The following PANX2 variants were observed in gnomAD, a reference collection of about 807,000 sequenced individuals.
The protein encoded by PANX2 is pannexin 2.
Under a neutral mutation model 38.7 loss-of-function variants are expected in PANX2, and 30 were observed. The observed-to-expected ratio is 0.78, with a 90% CI of 0.58 to 1.05. The LOEUF (loss-of-function observed/expected upper bound fraction) is 1.05, where lower values mean the gene tolerates loss of function less well. PANX2 is among the 50% of genes least tolerant of loss of function. PANX2 has a pLI of 0.00. For missense variants in PANX2, 880 were observed against 979.3 expected, an observed-to-expected ratio of 0.90 and a Z score of 1.35; for synonymous variants, 539 against 472.1, an observed-to-expected ratio of 1.14 and a Z score of -1.84.
At position 50,178,970 on chromosome 22, in the gene PANX2, C is replaced by T; in HGVS notation, c.1727C>T (p.Thr576Ile). ...CCCGAGAAGGAAATCCCGTACCCCA[C>T]AGAGCCAGCCCGGGCAGGGCTTCCC... ...PLPEKEIPYP[T>I]EPARAGLPSG... is the part of the protein sequence containing the mutation. The change falls in exon 3 of 3, where the codon ACA (threonine) becomes ATA (isoleucine). Residue 576 changes from threonine to isoleucine, a missense_variant. Physicochemically the swap from Thr to Ile is moderately conservative, Grantham distance 89 (BLOSUM62 -1). Coordinates refer to ENST00000395842, the MANE Select transcript of PANX2 (RefSeq NM_052839.4). The T allele has an allele frequency of 1.2e-6, 2 of 1,601,464 alleles. No individual in the cohort carries two copies. The highest frequency in any genetic ancestry group is 1.7e-6 in the Non-Finnish European group (2 of 1,172,940).
chr22:50,172,791 C>T lies in PANX2; in HGVS notation c.226+1835C>T, dbSNP rs142911435. Among the ~76,000 whole-genome samples, 189 of 151,042 alleles carry T rather than the reference C, an allele frequency of 1.3e-3. 5 individuals carry two copies. In the East Asian group the frequency reaches 0.026, roughly 21 times the overall value. On this transcript the variant is annotated intron_variant, in intron 1 of 2. Transcript: ENST00000395842. Reference sequence around the variant, plus strand: ...TCACCCAGGCTGGAGTGCAGTGGTGCGATGTCGGCTCACTGCGACCTTTGC... The same window carrying T: ...TCACCCAGGCTGGAGTGCAGTGGTGTGATGTCGGCTCACTGCGACCTTTGC...
chr22:50,177,906 C>G lies in PANX2; in HGVS notation c.1194C>G (p.Arg398=), dbSNP rs566535776. ...ACCACGACGCCACCCCCACGGTGCGCGACTCGGGGGTGCAGACCGTGGACC... is the reference window on the plus strand; with the variant it reads ...ACCACGACGCCACCCCCACGGTGCGGGACTCGGGGGTGCAGACCGTGGACC... ...QSNHDATPTV[R]DSGVQTVDPS... Residue 398 remains arginine, a synonymous_variant, in exon 2 of 3, where the codon CGC becomes CGG. Coordinates refer to ENST00000395842, the MANE Select transcript of PANX2 (RefSeq NM_052839.4). 6.5e-7 allele frequency: 1 copy of G among 1,529,746 alleles called. No individual in the cohort carries two copies. Among genetic ancestry groups the G allele is most frequent in the Non-Finnish European group, 8.8e-7 (1 of 1,141,838 alleles). 94.8% of individuals were successfully genotyped at this position (1,529,746 alleles called of 1,614,324 possible). A position where few individuals can be genotyped will look rare whatever the true frequency, so the allele number is the denominator to read the frequency against.
chr22:50,171,253 T>A (rs1490884728), intron 1 of PANX2, among the ~76,000 whole-genome samples: 1 of 151,844 alleles, frequency 6.6e-6, no homozygotes, highest in East Asian at 1.9e-4. Flanking sequence ...AGACACGGGG[T>A]CTGGTTTGGA....
intron 1 of PANX2, chr22:50,175,484 T>C (rs1414426996): frequency 1.6e-6 from 2 of 1,284,530 alleles, no homozygotes; most frequent in Admixed American, 4.7e-5. Flanking sequence ...AAAACATAAG[T>C]AAATAAAATA....
chr22:50,171,136 G>T (rs183552905), intron 1 of PANX2, among the ~76,000 whole-genome samples, 180 bp downstream of exon 1: 88 of 152,332 alleles, frequency 5.8e-4, no homozygotes, highest in African/African-American at 2.0e-3. Context: ...GTCGCTGGTC[G>T]CACAGACCCC....
chr22:50,170,987 G>GGCAGAGGGGGCGTCC (rs2063626596), intron 1 of PANX2, 31 bp downstream of exon 1: 1 of 1,266,304 alleles, frequency 7.9e-7, no homozygotes, highest in Non-Finnish European at 1.1e-6. Flanking sequence ...GCGGGGCGCG[G>GGCAGAGGGGGCGTCC]GCAGAGGGGG....
At position 50,178,196 on chromosome 22, in the gene PANX2, C is replaced by T; in HGVS notation, c.1484C>T (p.Pro495Leu). 6.9e-7 allele frequency: 1 copy of T among 1,457,440 alleles called. No homozygotes were observed. Among genetic ancestry groups the T allele is most frequent in the South Asian group, 1.4e-5 (1 of 70,930 alleles). 90.3% of individuals were successfully genotyped at this position (1,457,440 alleles called of 1,614,324 possible). The change falls in exon 2 of 3, where the codon CCC becomes CTC. Residue 495 changes from proline (P) to leucine (L), a missense_variant. Pro to Leu is a moderately conservative substitution (Grantham distance 98, BLOSUM62 -3). This residue lies in a region of PANX2 where 445 missense variants were observed against 404.3 expected (regional missense o/e 1.10). Transcript: ENST00000395842. ...GGAGGGGGCGACCCGGGCCCCGGCC[C>T]CGCCCCTGCCCCCGCCCCGCCGCCC... Reference protein sequence around the residue: ...KGGGGDPGPGPAPAPAPPPAP... With the variant: ...KGGGGDPGPGLAPAPAPPPAP...
chr22:50,178,283 C>A lies in PANX2; in HGVS notation c.1571C>A (p.Thr524Asn), dbSNP rs760079887. ...SLDVHPYILG[T>N]KKAKAEAVPA... ...GACGTGCACCCCTACATCCTCGGCA[C>A]CAAGAAGGCCAAGGCCGAGGCGGTG... Residue 524 changes from threonine to asparagine, a missense_variant, in exon 2 of 3, where the codon ACC becomes AAC. Thr to Asn is a moderately conservative substitution (Grantham distance 65). Around this residue, in one of 4 missense-constraint regions of PANX2, gnomAD observed 445 missense variants for 404.3 expected, o/e 1.10. Coordinates refer to ENST00000395842, the MANE Select transcript of PANX2 (RefSeq NM_052839.4). 6 of 1,532,670 alleles carry A rather than the reference C, an allele frequency of 3.9e-6. No homozygotes were observed. The highest frequency in any genetic ancestry group is 3.5e-6 in the Non-Finnish European group (4 of 1,145,764). 94.9% of individuals were successfully genotyped at this position (1,532,670 alleles called of 1,614,324 possible).
At position 50,177,318 on chromosome 22, in the gene PANX2, G is replaced by C; in HGVS notation, c.606G>C (p.Glu202Asp). ...AGATCATCGAGAACGCGGAGAAGGAGAAGAGCCCGGAGCAGAACCTGTTCG... is the reference window on the plus strand; with the variant it reads ...AGATCATCGAGAACGCGGAGAAGGACAAGAGCCCGGAGCAGAACCTGTTCG... ...KREIIENAEK[E>D]KSPEQNLFEK... The change falls in exon 2 of 3, where the codon GAG (glutamate) becomes GAC (aspartate). Residue 202 changes from glutamate to aspartate, a missense_variant. Physicochemically the swap from Glu to Asp is conservative, Grantham distance 45. Coordinates refer to ENST00000395842, the MANE Select transcript of PANX2 (RefSeq NM_052839.4). 1 of 1,611,288 alleles carries C rather than the reference G, an allele frequency of 6.2e-7. No individual in the cohort carries two copies. Among genetic ancestry groups the C allele is most frequent in the Non-Finnish European group, 8.5e-7 (1 of 1,179,304 alleles).
At chr22:50,173,750 T>C (rs2063647763) in intron 1 of PANX2, among the ~76,000 whole-genome samples, 1 of 152,222 alleles carries the variant, frequency 6.6e-6, no homozygotes, top group Admixed American at 6.5e-5. Flanking sequence ...ACTTTCTGCC[T>C]TCTCCGGCCT....
chr22:50,179,349 C>T lies in PANX2; in HGVS notation c.*72C>T. The T allele has an allele frequency of 7.3e-7, 1 of 1,366,806 alleles. No individual in the cohort carries two copies. The highest frequency in any genetic ancestry group is 1.0e-6 in the Non-Finnish European group (1 of 978,794). 84.7% of individuals were successfully genotyped at this position (1,366,806 alleles called of 1,614,324 possible). A position where few individuals can be genotyped will look rare whatever the true frequency, so the allele number is the denominator to read the frequency against. ...GTGGCCTGGCCAGCCTCCCGGTGGA[C>T]ACCAGCCCTGCGTGGACGTGGCCTG... On this transcript the variant is annotated 3_prime_UTR_variant, in exon 3 of 3. Coordinates refer to ENST00000395842, the MANE Select transcript of PANX2 (RefSeq NM_052839.4).
At chr22:50,172,439 C>A (rs2063637354) in intron 1 of PANX2, among the ~76,000 whole-genome samples, 1 of 152,160 alleles carries the variant, frequency 6.6e-6, no homozygotes, top group Non-Finnish European at 1.5e-5. Context: ...GTCCAAATTT[C>A]CTTTTTTTTT....
At chr22:50,176,908 G>A (rs757967849) in intron 1 of PANX2, 31 bp from the exon 2 acceptor site, 3 of 1,495,350 alleles carry the variant, frequency 2.0e-6, no homozygotes, top group Non-Finnish European at 2.7e-6. Context: ...GCGCCTCCCC[G>A]CCCCAGCCCG....
At position 50,175,494 on chromosome 22, in the gene PANX2, A is replaced by G. The variant is rs764000639; in HGVS notation, c.227-1445A>G. 1.5e-4 allele frequency: 196 copies of G among 1,274,720 alleles called. 1 individual carries two copies. In the South Asian group the frequency reaches 2.4e-3, roughly 16 times the overall value. The allele number at this position is 1,274,720 out of a possible 1,614,324, so 79.0% of individuals were successfully genotyped here. On this transcript the variant is annotated intron_variant, in intron 1 of 2. Transcript: ENST00000395842. ...AGGACAAAACATAAGTAAATAAAAT[A>G]TGCCATTTTCTCAACCAAGAGAGTG...
chr22:50,174,252 T>C (rs2063650406), intron 1 of PANX2, among the ~76,000 whole-genome samples: 1 of 151,570 alleles, frequency 6.6e-6, no homozygotes, highest in East Asian at 2.0e-4. Context: ...AGCTTCACCC[T>C]TGGGGGGCAC....
intron 1 of PANX2, among the ~76,000 whole-genome samples, chr22:50,176,541 A>G (rs1304231651): frequency 6.6e-6 from 1 of 152,132 alleles, no homozygotes; most frequent in African/African-American, 2.4e-5. Flanking sequence ...TGTGGCTGGG[A>G]CCTGGTTTGG....
At chr22:50,176,616 TG>T (rs1451567486) in intron 1 of PANX2, among the ~76,000 whole-genome samples, 1 of 152,206 alleles carries the variant, frequency 6.6e-6, no homozygotes, top group African/African-American at 2.4e-5. Context: ...TGGCCCTCTC[TG>T]GGATTTGGTT....
rs1318604912 is a variant in PANX2, at chr22:50,179,576, G to A, written c.*299G>A. On this transcript the variant is annotated 3_prime_UTR_variant, in exon 3 of 3. Coordinates refer to ENST00000395842, the MANE Select transcript of PANX2 (RefSeq NM_052839.4). ...TGCATCAGGTGCCCAGCCGTGGGTG[G>A]GGGCCCTGAGGTGAAGAGTTTATTT... is the stretch of plus-strand genomic sequence containing the variant. The A allele has an allele frequency of 6.9e-6, 3 of 433,718 alleles. No homozygotes were observed. Among genetic ancestry groups the A allele is most frequent in the Non-Finnish European group, 1.2e-5 (3 of 241,094 alleles). 26.9% of individuals were successfully genotyped at this position (433,718 alleles called of 1,614,324 possible).
Position 50,177,986 on chromosome 22 carries a change from G to A in PANX2, c.1274G>A (p.Arg425Gln), listed in dbSNP as rs912951801. The A allele has an allele frequency of 5.9e-6, 9 of 1,537,016 alleles. No individual in the cohort carries two copies. The highest frequency in any genetic ancestry group is 1.4e-5 in the African/African-American group (1 of 72,482). Residue 425 changes from arginine to glutamine, a missense_variant, in exon 2 of 3, where the codon CGG becomes CAG. Transcript: ENST00000395842. ...DGAAEPPVVKRPRKKMKWIPT... is the reference protein window; with the variant it reads ...DGAAEPPVVKQPRKKMKWIPT... ...GCCGCCGAGCCGCCCGTGGTCAAGC[G>A]GCCGCGCAAGAAGATGAAGTGGATC...
Sources: gnomAD v4.1 joint callset for allele counts (sites outside exome capture counted in the v4.1 genomes callset) on GRCh38, gnomAD v4.1.1 for gene constraint, gnomAD v4.1.1 regional missense constraint, MANE v1.5 for transcripts, NCBI Gene and HGNC (gene_info 2026-07-23, HGNC 2026-07-21) for gene names.